Variants in SLC5A4 observed in about 807,000 individuals in gnomAD.
SLC5A4 encodes probable glucose sensor protein SLC5A4.
A neutral mutation model predicts 70.3 loss-of-function variants in SLC5A4; 55 were observed. That is an observed-to-expected ratio of 0.78 (90% CI 0.63 to 0.98). The LOEUF (loss-of-function observed/expected upper bound fraction) is 0.98. SLC5A4 is among the 50% of genes least tolerant of loss of function. SLC5A4 has a pLI of 0.00. For missense variants in SLC5A4, 735 were observed against 839.2 expected, an observed-to-expected ratio of 0.88 and a Z score of 1.53; for synonymous variants, 268 against 305.7, an observed-to-expected ratio of 0.88 and a Z score of 1.29.
the SLC5A4 span, among the ~76,000 whole-genome samples, chr22:32,310,803 C>T: frequency 6.6e-6 from 1 of 152,204 alleles, no homozygotes; most frequent in Non-Finnish European, 1.5e-5. Flanking sequence ...GGATGAAGAG[C>T]CAGGGAGAAT....
chr22:32,334,349 C>T, the SLC5A4 span, among the ~76,000 whole-genome samples: 6 of 152,276 alleles, frequency 3.9e-5, no homozygotes, highest in South Asian at 1.2e-3. Context: ...TGGTCAGCAG[C>T]AACACCACGT....
At chr22:32,300,606 A>C in the SLC5A4 span, among the ~76,000 whole-genome samples, 1 of 151,364 alleles carries the variant, frequency 6.6e-6, no homozygotes, top group South Asian at 2.1e-4. Flanking sequence ...GGAAATGCAG[A>C]AATCACCTGT....
the SLC5A4 span, among the ~76,000 whole-genome samples, chr22:32,354,132 A>G: frequency 3.2e-4 from 48 of 147,918 alleles, no homozygotes; most frequent in African/African-American, 1.1e-3. Flanking sequence ...ATAGCACCCA[A>G]CCCGCCCCCT....
At chr22:32,332,665 T>C in the SLC5A4 span, among the ~76,000 whole-genome samples, 1 of 152,130 alleles carries the variant, frequency 6.6e-6, no homozygotes, top group African/African-American at 2.4e-5. Flanking sequence ...GCTTCCATTA[T>C]TCACACCTCA....
At chr22:32,310,910 C>T in the SLC5A4 span, among the ~76,000 whole-genome samples, 5 of 152,212 alleles carry the variant, frequency 3.3e-5, no homozygotes, top group Admixed American at 1.3e-4. Context: ...GGGCTGGGCA[C>T]TCTTGCCCTC....
the SLC5A4 span, among the ~76,000 whole-genome samples, chr22:32,293,775 A>G: frequency 6.6e-6 from 1 of 152,022 alleles, no homozygotes; most frequent in Middle Eastern, 3.2e-3. Flanking sequence ...ACTTTGGTAT[A>G]TTTTTTAAAG....
At chr22:32,327,356 C>T in the SLC5A4 span, 1 of 152,414 alleles carries the variant, frequency 6.6e-6, no homozygotes, top group Admixed American at 6.5e-5. Context: ...TCTTTTGCTT[C>T]CTGGCCAGAG....
chr22:32,282,080 T>A, the SLC5A4 span, among the ~76,000 whole-genome samples: 1 of 151,306 alleles, frequency 6.6e-6, no homozygotes, highest in Non-Finnish European at 1.5e-5. Context: ...TGACCTCAGG[T>A]GATCTGCCCG....
At chr22:32,297,990 C>T in the SLC5A4 span, among the ~76,000 whole-genome samples, 1 of 97,706 alleles carries the variant, frequency 1.0e-5, no homozygotes, top group African/African-American at 3.9e-5. Context: ...ATCCTGAGTT[C>T]TAGTTTGATT....
In SLC5A4 at chr22:32,250,237, G is replaced by T. The variant is rs115810020; in HGVS notation, c.313-1435C>A. Among the ~76,000 whole-genome samples the T allele has an allele frequency of 8.3e-3, 1,261 of 152,322 alleles. 18 individuals carry two copies. Among genetic ancestry groups the T allele is most frequent in the African/African-American group, 0.029 (1,210 of 41,566 alleles). On this transcript the variant is annotated intron_variant, in intron 3 of 14. Transcript: ENST00000266086. ...GCTGAAGGTCAAACAAGAGGTGGAG[G>T]CTGGGTGCAGTGACTCACACCTGTG...
chr22:32,316,479 G>A, the SLC5A4 span, among the ~76,000 whole-genome samples: 3 of 152,046 alleles, frequency 2.0e-5, no homozygotes, highest in Non-Finnish European at 4.4e-5. Flanking sequence ...TATTCATAGA[G>A]CAAGACTGGA....
the SLC5A4 span, among the ~76,000 whole-genome samples, chr22:32,319,551 G>C: frequency 1.3e-5 from 2 of 152,256 alleles, no homozygotes; most frequent in African/African-American, 4.8e-5. Context: ...TCCTCAACCT[G>C]CATAGCTGCA....
chr22:32,265,606 G>A, the SLC5A4 span, among the ~76,000 whole-genome samples: 1 of 152,120 alleles, frequency 6.6e-6, no homozygotes, highest in Non-Finnish European at 1.5e-5. Context: ...TTCGGAGGCT[G>A]AGGTGGGTGG....
the SLC5A4 span, among the ~76,000 whole-genome samples, chr22:32,302,056 T>C: frequency 6.6e-6 from 1 of 152,170 alleles, no homozygotes; most frequent in Non-Finnish European, 1.5e-5. Flanking sequence ...TGGGTAATTC[T>C]TCATGACTTT....
At chr22:32,340,077 T>C in the SLC5A4 span, among the ~76,000 whole-genome samples, 1 of 152,048 alleles carries the variant, frequency 6.6e-6, no homozygotes, top group Non-Finnish European at 1.5e-5. Context: ...GGCTTTGGAG[T>C]TCACCAGACC....
upstream of SLC5A4, among the ~76,000 whole-genome samples, chr22:32,257,430 G>C (rs5998340): frequency 0.081 from 12,188 of 151,172 alleles, 795 homozygotes; most frequent in African/African-American, 0.18. Context: ...GCATGGCTCA[G>C]TGCAGCCTCA....
At chr22:32,340,524 T>A in the SLC5A4 span, among the ~76,000 whole-genome samples, 1 of 152,174 alleles carries the variant, frequency 6.6e-6, no homozygotes, top group Non-Finnish European at 1.5e-5. Context: ...GCGACGCACG[T>A]GACAAGGCAG....
At chr22:32,231,196 A>G (rs1569369747) in intron 9 of SLC5A4, 121 bp from the exon 10 acceptor site, 4 of 684,956 alleles carry the variant, frequency 5.8e-6, no homozygotes, top group Non-Finnish European at 7.9e-6. Flanking sequence ...GAAACTGGAG[A>G]TTCAATTTTG....
At chr22:32,277,579 T>G in the SLC5A4 span, among the ~76,000 whole-genome samples, 3 of 152,056 alleles carry the variant, frequency 2.0e-5, no homozygotes, top group Admixed American at 2.0e-4. Flanking sequence ...ATGGAGTCTC[T>G]CTCTGTTGCC....
Sources: gnomAD v4.1 joint callset for allele counts (sites outside exome capture counted in the v4.1 genomes callset) on GRCh38, gnomAD v4.1.1 for gene constraint, MANE v1.5 for transcripts, NCBI Gene and HGNC (gene_info 2026-07-23, HGNC 2026-07-21) for gene names.